Variants in TACC2 observed in about 807,000 individuals in gnomAD.
TACC2 encodes transforming acidic coiled-coil containing protein 2, also known as transforming acidic coiled-coil-containing protein 2.
TACC2 carries 137 observed loss-of-function variants against 227.3 expected under a neutral mutation model. That is an observed-to-expected ratio of 0.60 (90% CI 0.52 to 0.69). The LOEUF is 0.69. Ranked by LOEUF, TACC2 falls within the 30% of genes least tolerant of loss-of-function variation. The probability of loss-of-function intolerance (pLI) is 0.00; values close to 1 mark genes in which losing one functional copy is unlikely to be tolerated. For synonymous variants in TACC2, 1,523 were observed against 1,487.5 expected (o/e 1.02, Z -0.55); for missense variants, 3,470 against 3,694.4 (o/e 0.94, Z 1.57).
At chr10:122,219,057 C>CCCCTGA (rs2141196662) in intron 11 of TACC2, among the ~76,000 whole-genome samples, 1 of 149,518 alleles carries the variant, frequency 6.7e-6, no homozygotes, top group East Asian at 2.0e-4. Context: ...ATCTTGCTCT[C>CCCCTGA]CCCTGACCCC....
At chr10:122,104,967 C>G (rs2082584498) in intron 5 of TACC2, among the ~76,000 whole-genome samples, 2 of 152,194 alleles carry the variant, frequency 1.3e-5, no homozygotes, top group Admixed American at 1.3e-4. Flanking sequence ...TTGCATCTCA[C>G]TTTTTAACCC....
At chr10:122,102,883 T>G (rs2082331949) in intron 5 of TACC2, among the ~76,000 whole-genome samples, 1 of 152,258 alleles carries the variant, frequency 6.6e-6, no homozygotes, top group Non-Finnish European at 1.5e-5. Flanking sequence ...ATATTTTGGG[T>G]TCAGGCTGAC....
At chr10:122,045,494 T>C (rs1387765673) in intron 2 of TACC2, among the ~76,000 whole-genome samples, 1 of 152,216 alleles carries the variant, frequency 6.6e-6, no homozygotes, top group East Asian at 1.9e-4. Context: ...AAGGATTGAA[T>C]GAGTTTAAAT....
At chr10:122,015,540 T>A (rs139545274) in intron 1 of TACC2, among the ~76,000 whole-genome samples, 1 of 151,986 alleles carries the variant, frequency 6.6e-6, no homozygotes, top group Non-Finnish European at 1.5e-5. Flanking sequence ...AACTCAATGT[T>A]TATGAAATGC....
chr10:122,149,330 C>T (rs544488770), intron 7 of TACC2, among the ~76,000 whole-genome samples: 1 of 152,192 alleles, frequency 6.6e-6, no homozygotes, highest in Non-Finnish European at 1.5e-5. Context: ...GCGGGAGAAA[C>T]GGGATGGGAG....
chr10:122,247,504 T>C (rs967701523), intron 19 of TACC2: 6 of 152,062 alleles, frequency 3.9e-5, no homozygotes, highest in African/African-American at 1.4e-4. Context: ...CAGAGGGGTG[T>C]TTTGTGTAGA....
At position 122,254,237 on chromosome 10, in the gene TACC2, C is replaced by G. The variant is rs2096300144; in HGVS notation, c.*181C>G. 1 of 680,446 alleles carries G rather than the reference C, an allele frequency of 1.5e-6. No individual in the cohort carries two copies. Among genetic ancestry groups the G allele is most frequent in the African/African-American group, 1.8e-5 (1 of 56,146 alleles). 42.2% of individuals were successfully genotyped at this position (680,446 alleles called of 1,614,324 possible). On this transcript the variant is annotated 3_prime_UTR_variant, in exon 23 of 23. Transcript: ENST00000369005. ...CTAAGGAGACTATCAGAATTTCTTG[C>G]TATTGGTTTGCATTTTCCTAGTATA... is the stretch of plus-strand genomic sequence containing the variant.
intron 9 of TACC2, among the ~76,000 whole-genome samples, chr10:122,212,607 C>G (rs978861491): frequency 6.6e-6 from 1 of 152,214 alleles, no homozygotes; most frequent in Non-Finnish European, 1.5e-5. Context: ...CCAGGGGCAG[C>G]AGAACAGACC....
chr10:122,165,402 C>T (rs993539286), intron 7 of TACC2, among the ~76,000 whole-genome samples: 9 of 152,146 alleles, frequency 5.9e-5, no homozygotes, highest in African/African-American at 1.2e-4. Context: ...TGTGACTGTA[C>T]GTTTGGGAAA....
Position 122,159,823 on chromosome 10 carries a change from A to G in TACC2, c.5834+16117A>G, listed in dbSNP as rs138026235. Among the ~76,000 whole-genome samples the G allele has an allele frequency of 3.3e-3, 501 of 152,200 alleles. 1 individual carries two copies. The highest frequency in any genetic ancestry group is 5.4e-3 in the Non-Finnish European group (369 of 67,998). On this transcript the variant is annotated intron_variant, in intron 7 of 22. Transcript: ENST00000369005. ...TTTCCTGAGTGTATGTGCTCGGGCTAATTAGCAGCTCGGGGTCCATTGGTG... is the reference window on the plus strand; with the variant it reads ...TTTCCTGAGTGTATGTGCTCGGGCTGATTAGCAGCTCGGGGTCCATTGGTG...
chr10:122,216,704 G>A lies in TACC2; in HGVS notation c.7422G>A (p.Leu2474=). 1 of 1,614,096 alleles carries A rather than the reference G, an allele frequency of 6.2e-7. No homozygotes were observed. The highest frequency in any genetic ancestry group is 1.3e-5 in the African/African-American group (1 of 75,018). ...AVVHATDEEK[L]AVTNQKWTCM... Reference sequence around the variant, plus strand: ...TCCACGCCACAGATGAGGAAAAGCTGGCGGTCACCAACCAGAAGTGGACGT... The same window carrying A: ...TCCACGCCACAGATGAGGAAAAGCTAGCGGTCACCAACCAGAAGTGGACGT... Residue 2474 remains leucine (L), a synonymous_variant, in exon 11 of 23, where the codon CTG becomes CTA. Transcript: ENST00000369005.
rs2095630120 is a variant in TACC2 at position 122,226,434 on chromosome 10, C to T, written c.7677C>T (p.Val2559=). ...LMFDTSQESP[V]KSSPVRMSES... ...TTGACACTTCTCAGGAGAGCCCTGT[C>T]AAGTCATCTCCCGTCCGCATGTCAG... Residue 2559 remains valine (V), a synonymous_variant, in exon 13 of 23, where the codon GTC becomes GTT. Transcript: ENST00000369005. 6.2e-6 allele frequency: 10 copies of T among 1,614,104 alleles called. No individual in the cohort carries two copies. The East Asian group carries it at 2.2e-4, about 36-fold the overall frequency.
rs756389507 is a variant in TACC2 at position 122,210,446 on chromosome 10, G to A, written c.6021G>A (p.Ser2007=). Residue 2007 remains serine, a synonymous_variant, in exon 9 of 23, where the codon TCG becomes TCA. Transcript: ENST00000369005. This position sits in a 1 kb window ranked among gnomAD's most constrained non-coding sequence, Gnocchi z 4.6. ...VPVPDGPRSD[S]VEGSPFRPPS... is the part of the protein sequence containing the mutation. ...TCCCTGATGGCCCACGGAGCGACTC[G>A]GTGGAAGGAAGTCCCTTCCGTCCCC... 5.0e-6 allele frequency: 8 copies of A among 1,613,938 alleles called. No homozygotes were observed. The highest frequency in any genetic ancestry group is 2.2e-5 in the East Asian group (1 of 44,884).
chr10:122,043,405 G>A (rs1045592857), intron 2 of TACC2, among the ~76,000 whole-genome samples: 10 of 152,134 alleles, frequency 6.6e-5, no homozygotes, highest in Non-Finnish European at 1.0e-4. Flanking sequence ...TTCCATGAGG[G>A]TAGTAGGAAC....
At chr10:122,239,727 G>A (rs1454530520) in intron 18 of TACC2, among the ~76,000 whole-genome samples, 5 of 152,050 alleles carry the variant, frequency 3.3e-5, no homozygotes, top group Non-Finnish European at 4.4e-5. Flanking sequence ...CCACTGAGGG[G>A]CCCCCAGGAG....
chr10:122,043,189 T>A (rs1481232049), intron 2 of TACC2, among the ~76,000 whole-genome samples: 1 of 152,212 alleles, frequency 6.6e-6, no homozygotes, highest in Non-Finnish European at 1.5e-5. Context: ...ATTAAATACA[T>A]ACAGGTCATC....
At chr10:122,077,909 C>G (rs1422855038) in intron 3 of TACC2, among the ~76,000 whole-genome samples, 1 of 152,064 alleles carries the variant, frequency 6.6e-6, no homozygotes, top group Admixed American at 6.6e-5. Context: ...CTGAAAAGTG[C>G]CCAGGCCAGG....
intron 7 of TACC2, chr10:122,192,382 C>A: frequency 3.6e-6 from 1 of 279,674 alleles, no homozygotes; most frequent in South Asian, 3.8e-5. Context: ...ATCCGGCCCT[C>A]CCTGTTGCTT....
chr10:122,065,408 T>C (rs1384044136), intron 3 of TACC2, among the ~76,000 whole-genome samples: 1 of 152,190 alleles, frequency 6.6e-6, no homozygotes, highest in Non-Finnish European at 1.5e-5. Flanking sequence ...TTCAGAAATG[T>C]GTTATTGTTT....
Sources: allele counts gnomAD v4.1 joint callset (sites outside exome capture counted in the v4.1 genomes callset), GRCh38; gene constraint gnomAD v4.1.1; non-coding constraint Gnocchi (gnomAD v3.1); transcripts MANE v1.5; gene names NCBI Gene and HGNC (gene_info 2026-07-23, HGNC 2026-07-21).